The following CORO2A variants were observed in gnomAD, a reference collection of about 807,000 sequenced individuals.
CORO2A encodes coronin-2A.
CORO2A carries 47 observed loss-of-function variants against 62.4 expected under a neutral mutation model. The ratio of observed to expected loss-of-function variants is 0.75; its 90% CI spans 0.60 to 0.96. CORO2A has a LOEUF of 0.96. Ranked by LOEUF, CORO2A falls within the 40% of genes least tolerant of loss-of-function variation. CORO2A has a pLI of 0.00. For missense variants in CORO2A, 610 were observed against 684.1 expected (o/e 0.89, Z 1.21); for synonymous variants, 273 against 268.9 (o/e 1.02, Z -0.15).
chr9:98,190,944 C>T (rs916451512), intron 1 of CORO2A, among the ~76,000 whole-genome samples: 1 of 152,236 alleles, frequency 6.6e-6, no homozygotes, highest in African/African-American at 2.4e-5. Flanking sequence ...GTCATAGGCA[C>T]TACTTCAGCC....
intron 1 of CORO2A, among the ~76,000 whole-genome samples, chr9:98,190,647 T>C (rs2043898541): frequency 1.3e-5 from 2 of 152,194 alleles, no homozygotes; most frequent in South Asian, 4.1e-4. Flanking sequence ...CCATGGTGCA[T>C]TTAAAAAGTA....
chr9:98,124,815 G>A lies in CORO2A; in HGVS notation c.1537C>T (p.Leu513=). 6.2e-7 allele frequency: 1 copy of A among 1,610,958 alleles called. No homozygotes were observed. The highest frequency in any genetic ancestry group is 8.5e-7 in the Non-Finnish European group (1 of 1,178,518). ...CCCATCCGCAAGTTTTTGATCTCCA[G>A]TTCCAACTGTTTGGCCTGGACCTCT... ...QREVQAKQLE[L]EIKNLRMGSE... Residue 513 remains leucine (L), a synonymous_variant, in exon 12 of 12, where the codon CTG becomes TTG. Coordinates refer to ENST00000375077, the MANE Select transcript of CORO2A (RefSeq NM_052820.4).
intron 1 of CORO2A, among the ~76,000 whole-genome samples, chr9:98,160,923 G>T (rs973827433): frequency 6.6e-6 from 1 of 152,172 alleles, no homozygotes; most frequent in Admixed American, 6.5e-5. Flanking sequence ...GACCCTCTAG[G>T]ACTCTCGTCC....
At position 98,128,280 on chromosome 9, in the gene CORO2A, A is replaced by G; in HGVS notation, c.1081-20T>C. The G allele has an allele frequency of 6.3e-7, 1 of 1,596,688 alleles. No individual in the cohort carries two copies. Among genetic ancestry groups the G allele is most frequent in the Non-Finnish European group, 8.6e-7 (1 of 1,165,148 alleles). ...TTCTGACTGCAGGAGAAATCCAGAC[A>G]GTGAGGAGGGTGGTAGGGTAGGCTG... On this transcript the variant is annotated intron_variant, in intron 9 of 11. Transcript: ENST00000375077.
chr9:98,192,329 C>A (rs563023893), intron 1 of CORO2A, among the ~76,000 whole-genome samples: 1 of 152,332 alleles, frequency 6.6e-6, no homozygotes, highest in South Asian at 2.1e-4. Flanking sequence ...CCAACAACCC[C>A]GCGAGAAGGG....
At chr9:98,192,141 G>C (rs1215137950) in intron 1 of CORO2A, among the ~76,000 whole-genome samples, 1 of 152,214 alleles carries the variant, frequency 6.6e-6, no homozygotes, top group Non-Finnish European at 1.5e-5. Flanking sequence ...GCAGCCAAGA[G>C]GGGGAGGGTC....
intron 1 of CORO2A, among the ~76,000 whole-genome samples, chr9:98,171,521 T>C (rs949024367): frequency 6.6e-6 from 1 of 152,228 alleles, no homozygotes; most frequent in Non-Finnish European, 1.5e-5. Flanking sequence ...GGCCCCCATG[T>C]AACCAGCAAG....
chr9:98,145,376 G>A (rs111749402), intron 2 of CORO2A, among the ~76,000 whole-genome samples: 109 of 152,320 alleles, frequency 7.2e-4, no homozygotes, highest in Middle Eastern at 3.4e-3. Flanking sequence ...TGGGCCCTCT[G>A]TGGCAGGCCA....
Position 98,128,611 on chromosome 9 carries a change from CG to C in CORO2A, c.1075del (p.Arg359GlyfsTer21). The C allele has an allele frequency of 6.2e-7, 1 of 1,614,076 alleles. No individual in the cohort carries two copies. Among genetic ancestry groups the C allele is most frequent in the Non-Finnish European group, 8.5e-7 (1 of 1,179,934 alleles). On this transcript the variant is annotated frameshift_variant, in exon 9 of 12. Coordinates refer to ENST00000375077, the MANE Select transcript of CORO2A (RefSeq NM_052820.4). LOFTEE classifies it high-confidence loss of function. ...LIEPISMIVP[R>X]RSESYQEDIY... ...TGCGGTCCCGACTGCCCTTACCCGCCGGGGCACAATCATGGAGATGGGCTCG... is the reference window on the plus strand; with the variant it reads ...TGCGGTCCCGACTGCCCTTACCCGCCGGGCACAATCATGGAGATGGGCTCG...
At chr9:98,152,136 T>TTTG (rs1554744730) in intron 2 of CORO2A, among the ~76,000 whole-genome samples, 13 of 145,010 alleles carry the variant, frequency 9.0e-5, no homozygotes, top group South Asian at 2.1e-4. Context: ...GTTTTTTTTT[T>TTTG]TTGTTTTTTC....
chr9:98,188,442 G>A (rs7038945), intron 1 of CORO2A, among the ~76,000 whole-genome samples: 2,111 of 152,044 alleles, frequency 0.014, 48 homozygotes, highest in African/African-American at 0.047. Context: ...TAATATCAGC[G>A]CCTTCCCCCT....
intron 2 of CORO2A, among the ~76,000 whole-genome samples, chr9:98,148,394 C>CA (rs34087370): frequency 0.37 from 38,028 of 103,604 alleles, 6,490 homozygotes; most frequent in Admixed American, 0.43. Context: ...GACTCCATCT[C>CA]AAAAAAAAAA....
rs183754617 is a variant in CORO2A, at chr9:98,157,854, T to C, written c.1-194A>G. Among the ~76,000 whole-genome samples, 32 of 152,306 alleles carry C rather than the reference T, an allele frequency of 2.1e-4. No homozygotes were observed. In the East Asian group the frequency reaches 6.0e-3, roughly 28 times the overall value. ...AGTTACTTCTGTAGACCTGGTAAGA[T>C]AAGATGGGATGAAGCATAGCTATTA... On this transcript the variant is annotated intron_variant, in intron 1 of 11. Coordinates refer to ENST00000375077, the MANE Select transcript of CORO2A (RefSeq NM_052820.4).
intron 3 of CORO2A, among the ~76,000 whole-genome samples, chr9:98,135,231 T>C (rs1028857665): frequency 6.6e-6 from 1 of 152,124 alleles, no homozygotes; most frequent in Non-Finnish European, 1.5e-5. Context: ...TGAGAGATCT[T>C]TGTCATCCTG....
In CORO2A at chr9:98,157,502, C is replaced by T. The variant is rs1204536102; in HGVS notation, c.159G>A (p.Glu53=). The change falls in exon 2 of 12, where the codon GAG becomes GAA. Residue 53 remains glutamate, a synonymous_variant. Coordinates refer to ENST00000375077, the MANE Select transcript of CORO2A (RefSeq NM_052820.4). ...VNPHFIAVVT[E]CAGGGAFLVI... ...CGAGGAAGGCCCCTCCACCAGCACA[C>T]TCAGTCACAACTGCAATGAAGTGGG... The T allele has an allele frequency of 6.2e-7, 1 of 1,614,234 alleles. No homozygotes were observed. Among genetic ancestry groups the T allele is most frequent in the African/African-American group, 1.3e-5 (1 of 75,052 alleles).
At chr9:98,128,527 C>G in intron 9 of CORO2A, 80 bp downstream of exon 9, 1 of 1,296,138 alleles carries the variant, frequency 7.7e-7, no homozygotes, top group South Asian at 1.2e-5. Flanking sequence ...GCTCCAGGCT[C>G]TGGTGCCCGA....
At chr9:98,142,851 CCTGCGCTGCCCTGCG>C (rs3837264) in intron 2 of CORO2A, among the ~76,000 whole-genome samples, 27,843 of 120,088 alleles carry the variant, frequency 0.23, 2,960 homozygotes, top group African/African-American at 0.32. Flanking sequence ...CCTGCCCTGC[CCTGCGCTGCCCTGCG>C]CTGCCCTGCG....
At chr9:98,133,766 T>C (rs10985166) in intron 4 of CORO2A, among the ~76,000 whole-genome samples, 12,866 of 151,976 alleles carry the variant, frequency 0.085, 705 homozygotes, top group Non-Finnish European at 0.12. Context: ...CACAACAATT[T>C]TAGTTATTTA....
At chr9:98,184,743 G>A (rs1184026307) in intron 1 of CORO2A, among the ~76,000 whole-genome samples, 3 of 152,128 alleles carry the variant, frequency 2.0e-5, no homozygotes, top group African/African-American at 4.8e-5. Flanking sequence ...AAATACTCCA[G>A]AGCACTTAAA....
Sources: gnomAD v4.1 joint callset for allele counts (sites outside exome capture counted in the v4.1 genomes callset) on GRCh38, gnomAD v4.1.1 for gene constraint, MANE v1.5 for transcripts, NCBI Gene and HGNC (gene_info 2026-07-23, HGNC 2026-07-21) for gene names.